Variants in IQCH observed in about 807,000 individuals in gnomAD.
IQCH encodes the protein IQ motif containing H.
IQCH carries 98 observed loss-of-function variants against 117.0 expected under a neutral mutation model. The observed-to-expected ratio is 0.84, with a 90% CI of 0.71 to 0.99. The LOEUF (loss-of-function observed/expected upper bound fraction) is 0.99, where lower values mean the gene tolerates loss of function less well. IQCH is among the 50% of genes least tolerant of loss of function. The pLI is 0.00. For missense variants in IQCH, 1,102 were observed against 1,243.8 expected (o/e 0.89, Z 1.72); for synonymous variants, 412 against 448.2 (o/e 0.92, Z 1.02).
chr15:67,277,723 C>A (rs573719655), intron 3 of IQCH, among the ~76,000 whole-genome samples: 2 of 151,824 alleles, frequency 1.3e-5, no homozygotes, highest in Non-Finnish European at 2.9e-5. Context: ...TTAGTACAGA[C>A]GGGGTTTCAC....
At chr15:67,295,398 T>C (rs551823551) in intron 4 of IQCH, among the ~76,000 whole-genome samples, 2 of 152,154 alleles carry the variant, frequency 1.3e-5, no homozygotes, top group Non-Finnish European at 2.9e-5. Flanking sequence ...GTATTATGAG[T>C]AGCTTTCAGG....
At chr15:67,326,986 A>G (rs1968441139) in intron 4 of IQCH, among the ~76,000 whole-genome samples, 2 of 152,200 alleles carry the variant, frequency 1.3e-5, no homozygotes, top group Non-Finnish European at 2.9e-5. Flanking sequence ...CAATATGAAT[A>G]TATTTACTTA....
chr15:67,334,787 C>A (rs1968819896), intron 4 of IQCH, among the ~76,000 whole-genome samples: 1 of 152,206 alleles, frequency 6.6e-6, no homozygotes, highest in Admixed American at 6.5e-5. Flanking sequence ...GAGTTAATTA[C>A]TCCCTCTTCT....
Position 67,372,482 on chromosome 15 carries a change from G to C in IQCH, c.1125G>C (p.Lys375Asn). Residue 375 changes from lysine to asparagine, a missense_variant, in exon 9 of 21, where the codon AAG (lysine) becomes AAC (asparagine). Lys to Asn is a moderately conservative substitution (Grantham distance 94, BLOSUM62 0). Around this residue, in one of 2 missense-constraint regions of IQCH, gnomAD observed 452 missense variants for 449.6 expected, o/e 1.01. Coordinates refer to ENST00000335894, the MANE Select transcript of IQCH (RefSeq NM_001031715.3). ...ATGGAAATTCGGAGGCCGCCATGAA[G>C]ATCCAAGCCACATGGAAATGCTACA... ...GQDGNSEAAM[K>N]IQATWKCYKA... 6.2e-7 allele frequency: 1 copy of C among 1,614,046 alleles called. No individual in the cohort carries two copies. Among genetic ancestry groups the C allele is most frequent in the Non-Finnish European group, 8.5e-7 (1 of 1,179,994 alleles).
At chr15:67,367,146 T>C (rs1970361895) in intron 8 of IQCH, among the ~76,000 whole-genome samples, 1 of 152,166 alleles carries the variant, frequency 6.6e-6, no homozygotes, top group Non-Finnish European at 1.5e-5. Flanking sequence ...ACAGACTAGA[T>C]TCTGGGTCTT....
In IQCH at chr15:67,494,892, C is replaced by G. The variant is rs1030883268; in HGVS notation, c.2970+526C>G. ...GTGGGTTGGATTATTTCACTACTAA[C>G]CTTTAGAAGCCTTCTTATGACCTTT... On this transcript the variant is annotated intron_variant, in intron 20 of 20. Transcript: ENST00000335894. This position sits in a 1 kb window ranked among gnomAD's most constrained non-coding sequence, Gnocchi z 5.5. 2.6e-5 allele frequency among the ~76,000 whole-genome samples: 4 copies of G among 152,164 alleles called. No individual in the cohort carries two copies. Among genetic ancestry groups the G allele is most frequent in the African/African-American group, 9.7e-5 (4 of 41,436 alleles).
chr15:67,272,272 ATACT>A (rs1438077671), intron 3 of IQCH, among the ~76,000 whole-genome samples: 3 of 152,150 alleles, frequency 2.0e-5, no homozygotes, highest in Non-Finnish European at 4.4e-5. Context: ...TTAGAAAAAA[ATACT>A]TAATATGGTT....
rs1441819147 is a variant in IQCH at position 67,407,393 on chromosome 15, A to G, written c.2097+7088A>G. 2 of 152,200 alleles carry G rather than the reference A, an allele frequency of 1.3e-5. No individual in the cohort carries two copies. The highest frequency in any genetic ancestry group is 6.5e-5 in the Admixed American group (1 of 15,276). The allele number at this position is 152,200 out of a possible 1,614,324, so 9.4% of individuals were successfully genotyped here. A position where few individuals can be genotyped will look rare whatever the true frequency, so the allele number is the denominator to read the frequency against. The stretch of plus-strand genomic sequence containing the variant: ...CTTAATCATTTACATATTTGTCTTC[A>G]TCTCTGAGAATGACTTAGAATGTTT... On this transcript the variant is annotated intron_variant, in intron 14 of 20. Coordinates refer to ENST00000335894, the MANE Select transcript of IQCH (RefSeq NM_001031715.3). The surrounding 1 kb of genome is among the most constrained non-coding windows in gnomAD (Gnocchi z 5.3).
chr15:67,346,976 A>C (rs1969423151), intron 6 of IQCH, among the ~76,000 whole-genome samples: 1 of 152,146 alleles, frequency 6.6e-6, no homozygotes, highest in Non-Finnish European at 1.5e-5. Flanking sequence ...ATTTTGAATT[A>C]AATGGGAATG....
At chr15:67,335,054 TACAC>T (rs929344799) in intron 4 of IQCH, among the ~76,000 whole-genome samples, 1 of 151,420 alleles carries the variant, frequency 6.6e-6, no homozygotes, top group Non-Finnish European at 1.5e-5. Flanking sequence ...CTCCAACACA[TACAC>T]ACACACACAC....
chr15:67,258,047 T>C (rs532549521), intron 1 of IQCH, among the ~76,000 whole-genome samples: 2 of 150,546 alleles, frequency 1.3e-5, no homozygotes, highest in East Asian at 3.9e-4. Context: ...CTGGCCAACA[T>C]GGCAAAACCC....
At chr15:67,358,202 C>CTTTTTTTTTTTTTTTTTTTT (rs1555462676) in intron 7 of IQCH, among the ~76,000 whole-genome samples, 1 of 5,972 alleles carries the variant, frequency 1.7e-4, no homozygotes, top group Non-Finnish European at 3.4e-4. Context: ...GAGGCACTTT[C>CTTTTTTTTTTTTTTTTTTTT]TTTTCTTTTT....
chr15:67,324,593 G>A (rs532448129), intron 4 of IQCH, among the ~76,000 whole-genome samples: 10 of 132,742 alleles, frequency 7.5e-5, no homozygotes, highest in Non-Finnish European at 1.4e-4. Flanking sequence ...CTGGGCAACA[G>A]CAGTGAGACT....
intron 1 of IQCH, among the ~76,000 whole-genome samples, chr15:67,258,531 C>CAAA (rs63140861): frequency 1.5e-5 from 2 of 137,406 alleles, no homozygotes; most frequent in Non-Finnish European, 1.6e-5. Flanking sequence ...GACTTCATCT[C>CAAA]AAAAAAAAAA....
chr15:67,496,942 C>T lies in IQCH; in HGVS notation c.2970+2576C>T, dbSNP rs1289375656. On this transcript the variant is annotated intron_variant, in intron 20 of 20. Coordinates refer to ENST00000335894, the MANE Select transcript of IQCH (RefSeq NM_001031715.3). The surrounding 1 kb of genome is among the most constrained non-coding windows in gnomAD (Gnocchi z 4.4). ...CTGAGGCAGGAGAATGGCGTGAACC[C>T]GGGAAGCGGAGCTTGCAGTGAGCCG... Among the ~76,000 whole-genome samples, 1 of 143,444 alleles carries T rather than the reference C, an allele frequency of 7.0e-6. No individual in the cohort carries two copies. The highest frequency in any genetic ancestry group is 2.6e-5 in the African/African-American group (1 of 38,524). The allele number at this position is 143,444 out of a possible 152,430, so 94.1% of individuals were successfully genotyped here. A position where few individuals can be genotyped will look rare whatever the true frequency, so the allele number is the denominator to read the frequency against.
chr15:67,445,086 A>AT lies in IQCH; in HGVS notation c.2506-20033dup, dbSNP rs552322460. Among the ~76,000 whole-genome samples, 75 of 152,148 alleles carry AT rather than the reference A, an allele frequency of 4.9e-4. No homozygotes were observed. Among genetic ancestry groups the AT allele is most frequent in the African/African-American group, 1.7e-3 (69 of 41,512 alleles). The stretch of plus-strand genomic sequence containing the variant: ...CTTGGAAAGTGGTGGCTTTGGTATG[A>AT]TTTTTTTTAAAGGAAATATCAGATA... On this transcript the variant is annotated intron_variant, in intron 16 of 20. Coordinates refer to ENST00000335894, the MANE Select transcript of IQCH (RefSeq NM_001031715.3). The surrounding 1 kb of genome is among the most constrained non-coding windows in gnomAD (Gnocchi z 4.3).
Position 67,433,017 on chromosome 15 carries a change from A to G in IQCH, c.2505+11440A>G, listed in dbSNP as rs562845021. Reference sequence around the variant, plus strand: ...TTTATTTATATGGAAGAAGGCTAACAGAGTATATCTAAATTAAAATGTAAT... The same window carrying G: ...TTTATTTATATGGAAGAAGGCTAACGGAGTATATCTAAATTAAAATGTAAT... On this transcript the variant is annotated intron_variant, in intron 16 of 20. Transcript: ENST00000335894. The surrounding 1 kb of genome is among the most constrained non-coding windows in gnomAD (Gnocchi z 5.4). 1.1e-4 allele frequency among the ~76,000 whole-genome samples: 17 copies of G among 152,328 alleles called. No homozygotes were observed. The highest frequency in any genetic ancestry group is 9.1e-4 in the Admixed American group (14 of 15,306).
intron 4 of IQCH, among the ~76,000 whole-genome samples, chr15:67,288,687 G>T (rs1240058667): frequency 1.3e-5 from 2 of 151,920 alleles, no homozygotes; most frequent in Non-Finnish European, 2.9e-5. Context: ...TCTTGTTTTT[G>T]CATCCATCCA....
intron 4 of IQCH, among the ~76,000 whole-genome samples, chr15:67,292,261 CTT>C (rs1458533234): frequency 6.6e-6 from 1 of 152,022 alleles, no homozygotes; most frequent in African/African-American, 2.4e-5. Context: ...CATCCAGACT[CTT>C]TTTTTGAGAC....
Sources: gnomAD v4.1 joint callset for allele counts (sites outside exome capture counted in the v4.1 genomes callset) on GRCh38, gnomAD v4.1.1 for gene constraint, gnomAD v4.1.1 regional missense constraint, Gnocchi (gnomAD v3.1) non-coding constraint, MANE v1.5 for transcripts, NCBI Gene and HGNC (gene_info 2026-07-23, HGNC 2026-07-21) for gene names.